Variants in DENND2A observed in about 807,000 individuals in gnomAD.
The protein encoded by DENND2A is DENN domain-containing protein 2A.
A neutral mutation model predicts 105.3 loss-of-function variants in DENND2A; 53 were observed. The observed-to-expected ratio is 0.50, with a 90% CI of 0.40 to 0.63. DENND2A has a LOEUF of 0.63. Among genes scored for constraint, DENND2A ranks in the 30% least tolerant of loss-of-function variants. The pLI, the probability that DENND2A is intolerant of heterozygous loss-of-function variation, is 0.00. For synonymous variants in DENND2A, 522 were observed against 508.4 expected, an observed-to-expected ratio of 1.03 and a Z score of -0.36; for missense variants, 1,138 against 1,279.6, an observed-to-expected ratio of 0.89 and a Z score of 1.69.
intron 1 of DENND2A, among the ~76,000 whole-genome samples, chr7:140,628,830 C>T (rs1298254142): frequency 6.6e-6 from 1 of 152,170 alleles, no homozygotes; most frequent in Non-Finnish European, 1.5e-5. Context: ...GCATGAGCCA[C>T]TGCACCTGGC....
At chr7:140,563,341 T>C (rs1797705772) in intron 9 of DENND2A, among the ~76,000 whole-genome samples, 1 of 152,138 alleles carries the variant, frequency 6.6e-6, no homozygotes. Flanking sequence ...GGCTCATATA[T>C]GCACAGGAGC....
intron 3 of DENND2A, among the ~76,000 whole-genome samples, chr7:140,588,523 G>A (rs1798879079): frequency 6.6e-6 from 1 of 152,068 alleles, no homozygotes; most frequent in Non-Finnish European, 1.5e-5. Context: ...AGTACAGATA[G>A]TCCCTGACTG....
intron 14 of DENND2A, among the ~76,000 whole-genome samples, chr7:140,538,465 G>A (rs1248506746): frequency 6.6e-6 from 1 of 152,068 alleles, no homozygotes; most frequent in Non-Finnish European, 1.5e-5. Context: ...CTGGGGATGA[G>A]GGTACCAGCT....
intron 1 of DENND2A, among the ~76,000 whole-genome samples, chr7:140,608,890 C>T (rs190365776): frequency 7.9e-5 from 12 of 152,130 alleles, no homozygotes; most frequent in Admixed American, 3.9e-4. Context: ...GGCACCTCTT[C>T]GATGTACCAA....
intron 4 of DENND2A, among the ~76,000 whole-genome samples, chr7:140,586,933 C>G (rs929863096): frequency 1.4e-4 from 21 of 152,196 alleles, no homozygotes; most frequent in South Asian, 1.0e-3. Flanking sequence ...TTTCTTCCCC[C>G]ACCTTTCACC....
intron 14 of DENND2A, among the ~76,000 whole-genome samples, chr7:140,535,991 CA>C (rs1796443319): frequency 2.0e-5 from 3 of 152,264 alleles, no homozygotes; most frequent in South Asian, 4.1e-4. Context: ...AAGGGTGTCA[CA>C]GGAAGGTAAT....
chr7:140,590,345 G>A (rs936782268), intron 3 of DENND2A, among the ~76,000 whole-genome samples: 2 of 151,948 alleles, frequency 1.3e-5, no homozygotes, highest in African/African-American at 4.8e-5. Context: ...AGCTGAGATT[G>A]CGCCACTGCA....
chr7:140,640,411 C>G lies in DENND2A; in HGVS notation c.-248+93G>C, dbSNP rs1801155594. ...TTCCCCCGTCAGGGCTCAGGCCGCG[C>G]GAGCCGTTTCCTCCCTCCCCCGCGC... On this transcript the variant is annotated intron_variant, in intron 1 of 19. Coordinates refer to ENST00000496613, the MANE Select transcript of DENND2A (RefSeq NM_015689.5). This position sits in a 1 kb window ranked among gnomAD's most constrained non-coding sequence, Gnocchi z 4.9. 6.6e-6 allele frequency: 1 copy of G among 152,248 alleles called. No individual in the cohort carries two copies. The highest frequency in any genetic ancestry group is 2.1e-4 in the South Asian group (1 of 4,836). The allele number at this position is 152,248 out of a possible 1,614,324, so 9.4% of individuals were successfully genotyped here.
At chr7:140,546,702 T>C in intron 13 of DENND2A, 97 bp downstream of exon 13, 1 of 1,480,036 alleles carries the variant, frequency 6.8e-7, no homozygotes, top group South Asian at 1.3e-5. Flanking sequence ...CACCAAGGAA[T>C]TGGACTGCTC....
At chr7:140,549,234 A>G (rs1400615311) in intron 12 of DENND2A, among the ~76,000 whole-genome samples, 2 of 151,772 alleles carry the variant, frequency 1.3e-5, no homozygotes, top group African/African-American at 2.4e-5. Flanking sequence ...AAAAAAAAAA[A>G]GTGTAAAATA....
intron 1 of DENND2A, among the ~76,000 whole-genome samples, chr7:140,609,471 C>T (rs909376553): frequency 5.9e-5 from 9 of 152,098 alleles, no homozygotes; most frequent in Admixed American, 2.0e-4. Flanking sequence ...CGAGATCGCC[C>T]CACTGTACTC....
chr7:140,526,244 C>G (rs952403735), intron 15 of DENND2A, among the ~76,000 whole-genome samples: 1 of 152,146 alleles, frequency 6.6e-6, no homozygotes, highest in Non-Finnish European at 1.5e-5. Flanking sequence ...CCTGCAGACT[C>G]GGTTAGGCTT....
intron 1 of DENND2A, among the ~76,000 whole-genome samples, chr7:140,639,516 C>T (rs1801102996): frequency 6.6e-6 from 1 of 152,102 alleles, no homozygotes; most frequent in South Asian, 2.1e-4. Context: ...GCTGCCCACC[C>T]AGACTTTCTA....
chr7:140,518,972 G>A (rs905029754), intron 19 of DENND2A, among the ~76,000 whole-genome samples: 1 of 152,186 alleles, frequency 6.6e-6, no homozygotes, highest in African/African-American at 2.4e-5. Flanking sequence ...GTCTAGGAGG[G>A]CTGGCTGCTT....
intron 2 of DENND2A, 121 bp from the exon 3 acceptor site, chr7:140,602,663 C>A (rs1563172295): frequency 3.3e-6 from 1 of 300,012 alleles, no homozygotes; most frequent in Non-Finnish European, 6.0e-6. Context: ...CATTGAAATT[C>A]CTATTAAAAA....
At position 140,520,192 on chromosome 7, in the gene DENND2A, G is replaced by C. The variant is rs1795803995; in HGVS notation, c.2912-474C>G. Among the ~76,000 whole-genome samples the C allele has an allele frequency of 2.6e-5, 4 of 152,114 alleles. No homozygotes were observed. In the South Asian group the frequency reaches 8.3e-4, roughly 32 times the overall value. ...GTGGTGGTGCACGCCTATAATCCCA[G>C]CTACTCGGGAGGCTGAGGCAGGAAA... On this transcript the variant is annotated intron_variant, in intron 18 of 19. Transcript: ENST00000496613.
chr7:140,625,748 T>A (rs896687060), intron 1 of DENND2A, among the ~76,000 whole-genome samples: 1 of 152,186 alleles, frequency 6.6e-6, no homozygotes, highest in Non-Finnish European at 1.5e-5. Context: ...CATGGGCTCC[T>A]GCTGAATGCT....
chr7:140,609,440 G>A (rs1345038946), intron 1 of DENND2A, among the ~76,000 whole-genome samples: 1 of 152,144 alleles, frequency 6.6e-6, no homozygotes, highest in Non-Finnish European at 1.5e-5. Context: ...TTGAACCCAG[G>A]AGGCGGAAGT....
At chr7:140,536,313 C>T (rs991013302) in intron 14 of DENND2A, among the ~76,000 whole-genome samples, 16 of 151,894 alleles carry the variant, frequency 1.1e-4, no homozygotes, top group African/African-American at 3.9e-4. Context: ...CGAGATCATG[C>T]CACTGCACTC....
Sources: allele counts gnomAD v4.1 joint callset (sites outside exome capture counted in the v4.1 genomes callset), GRCh38; gene constraint gnomAD v4.1.1; non-coding constraint Gnocchi (gnomAD v3.1); transcripts MANE v1.5; gene names NCBI Gene and HGNC (gene_info 2026-07-23, HGNC 2026-07-21).